Variants in ALMS1 observed in about 807,000 individuals in gnomAD.
ALMS1 encodes the protein centrosome-associated protein ALMS1.
Under a neutral mutation model 352.2 loss-of-function variants are expected in ALMS1, and 271 were observed. That is an observed-to-expected ratio of 0.77 (90% CI 0.70 to 0.85). The LOEUF is 0.85. Ranked by LOEUF, ALMS1 falls within the 40% of genes least tolerant of loss-of-function variation. The probability of loss-of-function intolerance (pLI) is 0.00; values close to 1 mark genes in which losing one functional copy is unlikely to be tolerated. For missense variants in ALMS1, 5,445 were observed against 4,870.7 expected, an observed-to-expected ratio of 1.12 and a Z score of -3.51; for synonymous variants, 1,865 against 1,761.2, an observed-to-expected ratio of 1.06 and a Z score of -1.48.
chr2:73,509,571 A>T (rs1346972167), intron 10 of ALMS1, among the ~76,000 whole-genome samples: 3 of 152,188 alleles, frequency 2.0e-5, no homozygotes, highest in Non-Finnish European at 4.4e-5. Context: ...TTCTTTAAGA[A>T]TGTTGAATGT....
rs550584635 is a variant in ALMS1 at position 73,474,956 on chromosome 2, T to C, written c.7675-14678T>C. 7.9e-5 allele frequency among the ~76,000 whole-genome samples: 12 copies of C among 152,256 alleles called. No individual in the cohort carries two copies. In the South Asian group the frequency reaches 2.5e-3, roughly 32 times the overall value. On this transcript the variant is annotated intron_variant, in intron 9 of 22. Transcript: ENST00000613296. ...CAGTCCACTTTCTCTCCCAATTCTTTTTTGCCAATTCTGGACATTTTATAT... is the reference window on the plus strand; with the variant it reads ...CAGTCCACTTTCTCTCCCAATTCTTCTTTGCCAATTCTGGACATTTTATAT...
intron 9 of ALMS1, among the ~76,000 whole-genome samples, chr2:73,468,651 T>A (rs1672407499): frequency 6.6e-6 from 1 of 152,034 alleles, no homozygotes; most frequent in South Asian, 2.1e-4. Context: ...TATTTGTCTT[T>A]TTGTGACTGG....
At chr2:73,509,002 T>G (rs1239473166) in intron 10 of ALMS1, among the ~76,000 whole-genome samples, 1 of 152,228 alleles carries the variant, frequency 6.6e-6, no homozygotes, top group Non-Finnish European at 1.5e-5. Context: ...TTTTGATCTT[T>G]GTTGGTTTAA....
chr2:73,453,828 A>C lies in ALMS1; in HGVS notation c.7301A>C (p.Glu2434Ala). The C allele has an allele frequency of 6.2e-7, 1 of 1,614,152 alleles. No individual in the cohort carries two copies. The highest frequency in any genetic ancestry group is 8.5e-7 in the Non-Finnish European group (1 of 1,180,008). ...TGCTCGTGGGACAGTAATTTACCAG[A>C]GTCTTTGGAATCAGTTTCTGATGTT... ...GSCSWDSNLP[E>A]SLESVSDVLL... The change falls in exon 8 of 23, where the codon GAG (glutamate) becomes GCG (alanine). Residue 2434 changes from glutamate (E) to alanine (A), a missense_variant. Physicochemically the swap from Glu to Ala is moderately radical, Grantham distance 107 (BLOSUM62 -1). Coordinates refer to ENST00000613296, the MANE Select transcript of ALMS1 (RefSeq NM_001378454.1).
chr2:73,608,971 A>G (rs932003529), intron 22 of ALMS1, among the ~76,000 whole-genome samples: 3 of 152,234 alleles, frequency 2.0e-5, no homozygotes. Flanking sequence ...TAACTGCGGC[A>G]TAAGAGTTGT....
rs547115282 is a variant in ALMS1, at chr2:73,548,580, G to A, written c.9908-1687G>A. 3.9e-5 allele frequency among the ~76,000 whole-genome samples: 6 copies of A among 152,310 alleles called. No individual in the cohort carries two copies. In the East Asian group the frequency reaches 9.7e-4, roughly 25 times the overall value. On this transcript the variant is annotated intron_variant, in intron 12 of 22. Transcript: ENST00000613296. ...TGCGTGCACATGCTGCTGCTGGTGTGTACTCCCTGGGAGAATTTGTGAAAA... is the reference window on the plus strand; with the variant it reads ...TGCGTGCACATGCTGCTGCTGGTGTATACTCCCTGGGAGAATTTGTGAAAA...
chr2:73,586,212 A>G (rs574225007), intron 16 of ALMS1, among the ~76,000 whole-genome samples: 1 of 152,152 alleles, frequency 6.6e-6, no homozygotes, highest in South Asian at 2.1e-4. Context: ...AGTTTCTCCC[A>G]TTTTGTGGGT....
At chr2:73,460,360 A>G (rs983867231) in intron 9 of ALMS1, among the ~76,000 whole-genome samples, 10 of 152,232 alleles carry the variant, frequency 6.6e-5, no homozygotes, top group African/African-American at 2.2e-4. Context: ...ATATCTATCT[A>G]GAATTGCATG....
chr2:73,588,275 C>T (rs369045504), intron 16 of ALMS1, among the ~76,000 whole-genome samples: 75 of 152,288 alleles, frequency 4.9e-4, no homozygotes, highest in Non-Finnish European at 9.0e-4. Context: ...CCTGCAGTCT[C>T]TGCAGTCCAG....
rs749504196 is a variant in ALMS1, at chr2:73,608,463, G to A, written c.12363-12G>A. 23 of 1,608,042 alleles carry A rather than the reference G, an allele frequency of 1.4e-5. No homozygotes were observed. The highest frequency in any genetic ancestry group is 8.3e-5 in the Admixed American group (5 of 59,958). ...CCCCGATTTCTGTCCTTTCACTGGT[G>A]CCATTTCTAAGGATTTATGAGCAGC... is the stretch of plus-strand genomic sequence containing the variant. On this transcript the variant is annotated splice_polypyrimidine_tract_variant and intron_variant, in intron 21 of 22. Coordinates refer to ENST00000613296, the MANE Select transcript of ALMS1 (RefSeq NM_001378454.1).
At chr2:73,589,097 T>C (rs1410559019) in intron 16 of ALMS1, among the ~76,000 whole-genome samples, 1 of 152,072 alleles carries the variant, frequency 6.6e-6, no homozygotes, top group Non-Finnish European at 1.5e-5. Flanking sequence ...ATTATAAAAA[T>C]ATGAATTATG....
At chr2:73,505,046 C>T (rs1189794776) in intron 10 of ALMS1, among the ~76,000 whole-genome samples, 21 of 152,186 alleles carry the variant, frequency 1.4e-4, no homozygotes, top group Admixed American at 1.4e-3. Flanking sequence ...CTCCAAAGGA[C>T]ATGAACTCAT....
Position 73,490,558 on chromosome 2 carries a change from G to A in ALMS1, c.8599G>A (p.Glu2867Lys), listed in dbSNP as rs1403489956. ...NRSSSRLGVK[E>K]KNVTITPDLP... ...ATCGAGTTCCAGACTAGGAGTAAAA[G>A]AGAAGAATGTAACTATAACTCCAGA... Residue 2867 changes from glutamate to lysine, a missense_variant, in exon 10 of 23, where the codon GAG (glutamate) becomes AAG (lysine). Physicochemically the swap from Glu to Lys is moderately conservative, Grantham distance 56 (BLOSUM62 1). Coordinates refer to ENST00000613296, the MANE Select transcript of ALMS1 (RefSeq NM_001378454.1). 1 of 1,614,152 alleles carries A rather than the reference G, an allele frequency of 6.2e-7. No homozygotes were observed.
chr2:73,575,888 C>G (rs1675043259), intron 16 of ALMS1, among the ~76,000 whole-genome samples: 1 of 151,706 alleles, frequency 6.6e-6, no homozygotes, highest in African/African-American at 2.4e-5. Context: ...GGTGTCATAT[C>G]TTAGAAATAT....
At position 73,562,869 on chromosome 2, in the gene ALMS1, A is replaced by G. The variant is rs1674694809; in HGVS notation, c.10384+3727A>G. 7.2e-5 allele frequency among the ~76,000 whole-genome samples: 11 copies of G among 152,152 alleles called. No homozygotes were observed. In the South Asian group the frequency reaches 2.3e-3, roughly 32 times the overall value. On this transcript the variant is annotated intron_variant, in intron 15 of 22. Coordinates refer to ENST00000613296, the MANE Select transcript of ALMS1 (RefSeq NM_001378454.1). ...GCCATTGCACTCCAACCTGGGCAAC[A>G]AGAGTGAAACTCCATCTCAAAAAAA...
chr2:73,523,043 C>T (rs1482085890), intron 11 of ALMS1, among the ~76,000 whole-genome samples: 1 of 152,162 alleles, frequency 6.6e-6, no homozygotes, highest in Non-Finnish European at 1.5e-5. Flanking sequence ...CATCTAACAA[C>T]ACTCATAGTC....
At chr2:73,574,144 A>T (rs905413393) in intron 16 of ALMS1, among the ~76,000 whole-genome samples, 1 of 152,206 alleles carries the variant, frequency 6.6e-6, no homozygotes, top group Non-Finnish European at 1.5e-5. Flanking sequence ...TTCTGATAAG[A>T]GACCTAAAAT....
rs58686365 is a variant in ALMS1 at position 73,408,864 on chromosome 2, C to CTTT, written c.450+141_450+143dup. ...ATTCATTAATATTATGTTTTCTTGT[C>CTTT]TTTTTTTTTTTTTTTTTTTTTTTTT... On this transcript the variant is annotated intron_variant, in intron 2 of 22. Coordinates refer to ENST00000613296, the MANE Select transcript of ALMS1 (RefSeq NM_001378454.1). The CTTT allele has an allele frequency of 4.0e-3, 751 of 188,362 alleles. 29 individuals carry two copies. Among genetic ancestry groups the CTTT allele is most frequent in the African/African-American group, 0.014 (311 of 21,822 alleles). 11.7% of individuals were successfully genotyped at this position (188,362 alleles called of 1,614,324 possible). A position where few individuals can be genotyped will look rare whatever the true frequency, so the allele number is the denominator to read the frequency against.
At chr2:73,469,693 G>A (rs950905242) in intron 9 of ALMS1, 39 of 151,804 alleles carry the variant, frequency 2.6e-4, no homozygotes, top group African/African-American at 9.4e-4. Context: ...TGACATTGTG[G>A]TTATATGATA....
Sources: gnomAD v4.1 joint callset for allele counts (sites outside exome capture counted in the v4.1 genomes callset) on GRCh38, gnomAD v4.1.1 for gene constraint, MANE v1.5 for transcripts, NCBI Gene and HGNC (gene_info 2026-07-23, HGNC 2026-07-21) for gene names.